The following CYP7B1 variants were observed in gnomAD, a reference collection of about 807,000 sequenced individuals.
CYP7B1 encodes the protein cytochrome P450 7B1.
CYP7B1 carries 29 observed loss-of-function variants against 42.7 expected under a neutral mutation model. The ratio of observed to expected loss-of-function variants is 0.68; its 90% CI spans 0.51 to 0.93. The LOEUF (loss-of-function observed/expected upper bound fraction) is 0.93, where lower values mean the gene tolerates loss of function less well. CYP7B1 is among the 40% of genes least tolerant of loss of function. The probability of loss-of-function intolerance (pLI) is 0.00; values close to 1 mark genes in which losing one functional copy is unlikely to be tolerated. For missense variants in CYP7B1, 655 were observed against 600.5 expected (o/e 1.09, Z -0.95); for synonymous variants, 235 against 218.2 (o/e 1.08, Z -0.68).
rs1167231201 is a variant in CYP7B1 at position 64,616,017 on chromosome 8, C to T, written c.524G>A (p.Trp175Ter). 1 of 1,613,680 alleles carries T rather than the reference C, an allele frequency of 6.2e-7. No homozygotes were observed. Among genetic ancestry groups the T allele is most frequent in the Non-Finnish European group, 8.5e-7 (1 of 1,179,814 alleles). ...FEPQLLKTTS[W>*]DTAELYPFCS... Reference sequence around the variant, plus strand: ...GAATGGATACAGTTCTGCCGTGTCCCAACTTGTGGTTTTTAACAGCTGGGG... The same window carrying T: ...GAATGGATACAGTTCTGCCGTGTCCTAACTTGTGGTTTTTAACAGCTGGGG... The change falls in exon 3 of 6, where the codon TGG becomes TAG. Residue 175 changes from tryptophan to a stop codon, truncating the protein, a stop_gained. Coordinates refer to ENST00000310193, the MANE Select transcript of CYP7B1 (RefSeq NM_004820.5). LOFTEE classifies it high-confidence loss of function.
chr8:64,781,690 T>C (rs1804426006), intron 1 of CYP7B1, among the ~76,000 whole-genome samples: 1 of 152,172 alleles, frequency 6.6e-6, no homozygotes, highest in African/African-American at 2.4e-5. Context: ...GATAATCCCC[T>C]ATTTTAAGGT....
At chr8:64,778,377 A>T (rs1432305261) in intron 1 of CYP7B1, among the ~76,000 whole-genome samples, 1 of 151,902 alleles carries the variant, frequency 6.6e-6, no homozygotes, top group Non-Finnish European at 1.5e-5. Context: ...TGCCCATGTG[A>T]AAAAGGTCAT....
chr8:64,705,950 T>C lies in CYP7B1; in HGVS notation c.123-81411A>G. On this transcript the variant is annotated intron_variant, in intron 1 of 5. Coordinates refer to ENST00000310193, the MANE Select transcript of CYP7B1 (RefSeq NM_004820.5). ...ATGGCACTTTGGTATTTAGAGCATT[T>C]AACATTGTGGTGTATAAGCCCTCTG... is the stretch of plus-strand genomic sequence containing the variant. Among the ~76,000 whole-genome samples the C allele has an allele frequency of 1.3e-5, 2 of 152,046 alleles. 1 individual carries two copies. The highest frequency in any genetic ancestry group is 2.9e-5 in the Non-Finnish European group (2 of 67,962).
intron 1 of CYP7B1, among the ~76,000 whole-genome samples, chr8:64,773,312 C>T (rs1235478043): frequency 1.3e-5 from 2 of 152,162 alleles, no homozygotes; most frequent in Non-Finnish European, 2.9e-5. Flanking sequence ...TTCTAATGTA[C>T]ACTTGTTTCT....
intron 1 of CYP7B1, among the ~76,000 whole-genome samples, chr8:64,727,368 A>G (rs1410851144): frequency 6.6e-6 from 1 of 152,134 alleles, no homozygotes; most frequent in East Asian, 1.9e-4. Context: ...CTTTCATTCA[A>G]TTATCTTTCC....
chr8:64,717,353 T>C (rs1168387186), intron 1 of CYP7B1, among the ~76,000 whole-genome samples: 1 of 152,232 alleles, frequency 6.6e-6, no homozygotes, highest in African/African-American at 2.4e-5. Context: ...CATTTCAGAA[T>C]GTTGTGAAAA....
intron 1 of CYP7B1, among the ~76,000 whole-genome samples, chr8:64,678,912 T>C (rs909949373): frequency 6.6e-6 from 1 of 151,466 alleles, no homozygotes; most frequent in African/African-American, 2.4e-5. Context: ...TGTGTGTGTA[T>C]AGAGAGATAA....
intron 1 of CYP7B1, among the ~76,000 whole-genome samples, chr8:64,673,317 T>A (rs1806394761): frequency 1.3e-5 from 2 of 152,188 alleles, no homozygotes; most frequent in Non-Finnish European, 2.9e-5. Flanking sequence ...GGAATGCTTT[T>A]GCCATGTCCC....
chr8:64,587,016 G>A (rs1376772), downstream of CYP7B1, among the ~76,000 whole-genome samples: 20,767 of 152,020 alleles, frequency 0.14, 1,996 homozygotes, highest in East Asian at 0.38. Flanking sequence ...AGTCTTTTTT[G>A]CCCGGCAAAT....
At chr8:64,719,698 TCTGTCTTGCGTCTTCATTGG>T (rs2129632841) in intron 1 of CYP7B1, among the ~76,000 whole-genome samples, 1 of 152,332 alleles carries the variant, frequency 6.6e-6, no homozygotes, top group African/African-American at 2.4e-5. Flanking sequence ...GCTTGGACAA[TCTGTCTTGCGTCTTCATTGG>T]GTAAGACTTC....
intron 1 of CYP7B1, among the ~76,000 whole-genome samples, chr8:64,722,751 G>GT (rs1358209153): frequency 4.0e-5 from 4 of 99,462 alleles, no homozygotes; most frequent in East Asian, 7.5e-4. Flanking sequence ...GGCGGGGGGG[G>GT]GGGGGCGGGA....
At chr8:64,732,278 G>A (rs1807423111) in intron 1 of CYP7B1, among the ~76,000 whole-genome samples, 1 of 152,206 alleles carries the variant, frequency 6.6e-6, no homozygotes, top group Admixed American at 6.5e-5. Flanking sequence ...AGCCATGGAA[G>A]CCCACCTCTT....
At chr8:64,690,357 C>T (rs926311030) in intron 1 of CYP7B1, among the ~76,000 whole-genome samples, 9 of 152,172 alleles carry the variant, frequency 5.9e-5, no homozygotes, top group African/African-American at 1.7e-4. Flanking sequence ...AAGCTGTGAT[C>T]GCACCACTGC....
chr8:64,723,457 G>A lies in CYP7B1; in HGVS notation c.122+75009C>T, dbSNP rs552042316. On this transcript the variant is annotated intron_variant, in intron 1 of 5. Coordinates refer to ENST00000310193, the MANE Select transcript of CYP7B1 (RefSeq NM_004820.5). ...GAATTTTAAGTAACCCAGAAGTTCA[G>A]CAGGGAAATTCACAAGTAAGCATAC... 2.0e-5 allele frequency among the ~76,000 whole-genome samples: 3 copies of A among 152,312 alleles called. No homozygotes were observed. In the South Asian group the frequency reaches 6.2e-4, roughly 32 times the overall value.
At chr8:64,770,271 C>G (rs1804199667) in intron 1 of CYP7B1, among the ~76,000 whole-genome samples, 1 of 152,080 alleles carries the variant, frequency 6.6e-6, no homozygotes, top group Non-Finnish European at 1.5e-5. Flanking sequence ...AAAAATTAAA[C>G]TATAGTTAAG....
intron 1 of CYP7B1, among the ~76,000 whole-genome samples, chr8:64,710,359 G>A (rs1344358445): frequency 6.6e-6 from 1 of 152,130 alleles, no homozygotes; most frequent in African/African-American, 2.4e-5. Flanking sequence ...TGAATTTTCT[G>A]TCTTCCTTTG....
intron 1 of CYP7B1, among the ~76,000 whole-genome samples, chr8:64,754,064 G>A (rs1017747156): frequency 1.3e-5 from 2 of 152,124 alleles, no homozygotes; most frequent in Non-Finnish European, 2.9e-5. Flanking sequence ...AAAGATGCCA[G>A]TGTGGTTGGT....
intron 1 of CYP7B1, among the ~76,000 whole-genome samples, chr8:64,641,548 C>T (rs930233838): frequency 2.6e-5 from 4 of 152,038 alleles, no homozygotes; most frequent in Non-Finnish European, 4.4e-5. Flanking sequence ...TTCAGGAAAA[C>T]TAATTCTTTC....
At chr8:64,672,631 TAA>T (rs1479734484) in intron 1 of CYP7B1, among the ~76,000 whole-genome samples, 2 of 152,092 alleles carry the variant, frequency 1.3e-5, no homozygotes, top group Non-Finnish European at 2.9e-5. Context: ...AACCTGAACC[TAA>T]GAGATGCCCT....
Sources: gnomAD v4.1 joint callset for allele counts (sites outside exome capture counted in the v4.1 genomes callset) on GRCh38, gnomAD v4.1.1 for gene constraint, MANE v1.5 for transcripts, NCBI Gene and HGNC (gene_info 2026-07-23, HGNC 2026-07-21) for gene names.